TRIM33: variants seen among roughly 807,000 people sequenced by gnomAD.
TRIM33 encodes the protein E3 ubiquitin-protein ligase TRIM33.
In TRIM33, 20 loss-of-function variants were observed where a neutral mutation model predicts 125.4. That is an observed-to-expected ratio of 0.16 (90% CI 0.11 to 0.23). TRIM33 has a LOEUF of 0.23. Among genes scored for constraint, TRIM33 ranks in the 10% least tolerant of loss-of-function variants. The pLI, the probability that TRIM33 is intolerant of heterozygous loss-of-function variation, is 1.00. For synonymous variants in TRIM33, 564 were observed against 513.9 expected (o/e 1.10, Z -1.32); for missense variants, 920 against 1,411.4 (o/e 0.65, Z 5.58).
intron 1 of TRIM33, among the ~76,000 whole-genome samples, chr1:114,508,639 G>T (rs908092226): frequency 6.6e-6 from 1 of 151,984 alleles, no homozygotes; most frequent in African/African-American, 2.4e-5. Context: ...CCCTGCTTCA[G>T]TGTCTGAATA....
chr1:114,432,948 T>C (rs533989465), intron 5 of TRIM33, among the ~76,000 whole-genome samples: 4 of 152,354 alleles, frequency 2.6e-5, no homozygotes, highest in South Asian at 4.1e-4. Context: ...AAACACATAT[T>C]AACCTTATTC....
chr1:114,470,308 G>A (rs999712174), intron 1 of TRIM33, among the ~76,000 whole-genome samples: 9 of 152,046 alleles, frequency 5.9e-5, no homozygotes, highest in African/African-American at 1.2e-4. Flanking sequence ...CTCACTGTGC[G>A]TCTTTCTGTT....
In TRIM33 at chr1:114,447,705, G is replaced by C. The variant is rs182062987; in HGVS notation, c.924-13972C>G. ...AAACAAAATAAGCAAATGAGATTGAGAAAAAGTAATCAGTAATTAGTAGGA... is the reference window on the plus strand; with the variant it reads ...AAACAAAATAAGCAAATGAGATTGACAAAAAGTAATCAGTAATTAGTAGGA... On this transcript the variant is annotated intron_variant, in intron 4 of 19. Coordinates refer to ENST00000358465, the MANE Select transcript of TRIM33 (RefSeq NM_015906.4). 2.6e-5 allele frequency among the ~76,000 whole-genome samples: 4 copies of C among 152,250 alleles called. No homozygotes were observed. In the East Asian group the frequency reaches 7.7e-4, roughly 29 times the overall value.
intron 1 of TRIM33, among the ~76,000 whole-genome samples, chr1:114,506,755 T>C (rs1399105473): frequency 3.9e-5 from 6 of 152,194 alleles, no homozygotes; most frequent in East Asian, 1.9e-4. Context: ...AAGCTCACTA[T>C]TGAGATTCAA....
At chr1:114,397,918 T>C (rs776444701) in intron 19 of TRIM33, 22 bp downstream of exon 19, 1 of 1,613,984 alleles carries the variant, frequency 6.2e-7, no homozygotes, top group Non-Finnish European at 8.5e-7. Flanking sequence ...TTCACCAAGT[T>C]TGCATGGTCT....
At chr1:114,423,274 C>T (rs1647323522) in intron 10 of TRIM33, among the ~76,000 whole-genome samples, 1 of 151,938 alleles carries the variant, frequency 6.6e-6, no homozygotes, top group Non-Finnish European at 1.5e-5. Context: ...AATTTTTTTC[C>T]TGCAGAAATT....
chr1:114,441,952 A>G (rs1648681445), intron 4 of TRIM33, among the ~76,000 whole-genome samples: 1 of 152,236 alleles, frequency 6.6e-6, no homozygotes, highest in Non-Finnish European at 1.5e-5. Context: ...TAATATGAAA[A>G]TTAATGAGGC....
At position 114,402,858 on chromosome 1, in the gene TRIM33, T is replaced by G. The variant is rs749641888; in HGVS notation, c.2794A>C (p.Arg932=). Residue 932 remains arginine (R), a synonymous_variant, in exon 16 of 20, where the codon AGA becomes CGA. Transcript: ENST00000358465. ...TCAACTTCTGGCTTTCCAATATCTC[T>G]ACAAAATGTGCATATCCAGTCCCCA... ...PSGDWICTFC[R]DIGKPEVEYD... 6.2e-7 allele frequency: 1 copy of G among 1,613,942 alleles called. No homozygotes were observed. Among genetic ancestry groups the G allele is most frequent in the South Asian group, 1.1e-5 (1 of 91,054 alleles).
intron 1 of TRIM33, among the ~76,000 whole-genome samples, chr1:114,498,082 G>A (rs1318565821): frequency 8.9e-5 from 12 of 134,564 alleles, no homozygotes; most frequent in African/African-American, 2.9e-4. Flanking sequence ...AGCTGAGATC[G>A]CACCACTGCA....
At chr1:114,457,753 C>G (rs889838299) in intron 4 of TRIM33, among the ~76,000 whole-genome samples, 1 of 152,106 alleles carries the variant, frequency 6.6e-6, no homozygotes, top group Non-Finnish European at 1.5e-5. Flanking sequence ...TGGACAATTC[C>G]AAGGTGAATG....
At chr1:114,491,029 T>A (rs116774702) in intron 1 of TRIM33, among the ~76,000 whole-genome samples, 179 of 152,288 alleles carry the variant, frequency 1.2e-3, no homozygotes, top group African/African-American at 4.0e-3. Flanking sequence ...AAGTGAGTAA[T>A]AACTGCTAAT....
At chr1:114,400,079 A>G (rs1651778255) in intron 17 of TRIM33, among the ~76,000 whole-genome samples, 1 of 152,236 alleles carries the variant, frequency 6.6e-6, no homozygotes, top group African/African-American at 2.4e-5. Context: ...TAAGAACATA[A>G]GAAAAATTTA....
At chr1:114,438,230 T>G (rs1031567223) in intron 4 of TRIM33, among the ~76,000 whole-genome samples, 2 of 152,214 alleles carry the variant, frequency 1.3e-5, no homozygotes, top group Admixed American at 6.5e-5. Flanking sequence ...TAAGTTTTGA[T>G]TTTGGCACAT....
At position 114,495,914 on chromosome 1, in the gene TRIM33, A is replaced by ATACT. The variant is rs1275933665; in HGVS notation, c.526+14633_526+14636dup. On this transcript the variant is annotated intron_variant, in intron 1 of 19. Coordinates refer to ENST00000358465, the MANE Select transcript of TRIM33 (RefSeq NM_015906.4). ...TTACTAATTTATTATAAAATGTATTATACTGTTCTTTAATATAATCTCTTA... is the reference window on the plus strand; with the variant it reads ...TTACTAATTTATTATAAAATGTATTATACTTACTGTTCTTTAATATAATCTCTTA... 3.3e-5 allele frequency among the ~76,000 whole-genome samples: 5 copies of ATACT among 152,352 alleles called. 1 individual carries two copies. In the East Asian group the frequency reaches 9.6e-4, roughly 29 times the overall value.
At chr1:114,411,173 T>C (rs1197906932) in intron 11 of TRIM33, among the ~76,000 whole-genome samples, 2 of 151,954 alleles carry the variant, frequency 1.3e-5, no homozygotes, top group Admixed American at 6.6e-5. Flanking sequence ...CCTGAATAGC[T>C]AGGACTACAG....
intron 6 of TRIM33, among the ~76,000 whole-genome samples, chr1:114,428,194 T>C (rs1647712812): frequency 6.6e-6 from 1 of 152,268 alleles, no homozygotes; most frequent in African/African-American, 2.4e-5. Context: ...ATCTAATATA[T>C]GGTATTTATA....
rs1303041059 is a variant in TRIM33, at chr1:114,511,170, G to C, written c.-94C>G. ...CCAGCCCCAGCCGCAGCCGCAGCAA[G>C]AGCGGCAGCCGAGAGCTAGCGAGAG... On this transcript the variant is annotated 5_prime_UTR_variant, in exon 1 of 20. Transcript: ENST00000358465. 2.6e-5 allele frequency: 27 copies of C among 1,033,646 alleles called. No homozygotes were observed. Among genetic ancestry groups the C allele is most frequent in the South Asian group, 1.3e-4 (3 of 22,488 alleles). 64.0% of individuals were successfully genotyped at this position (1,033,646 alleles called of 1,614,324 possible).
chr1:114,406,667 T>C (rs973714978), intron 14 of TRIM33, among the ~76,000 whole-genome samples: 2 of 152,216 alleles, frequency 1.3e-5, no homozygotes, highest in African/African-American at 4.8e-5. Context: ...CAAGATACAA[T>C]CTGATTTAGC....
chr1:114,464,229 G>A, intron 2 of TRIM33, 41 bp downstream of exon 2: 1 of 1,051,014 alleles, frequency 9.5e-7, no homozygotes, highest in Non-Finnish European at 1.4e-6. Context: ...CTTACAGTTT[G>A]ATATCAAGAT....
Sources: gnomAD v4.1 joint callset for allele counts (sites outside exome capture counted in the v4.1 genomes callset) on GRCh38, gnomAD v4.1.1 for gene constraint, MANE v1.5 for transcripts, NCBI Gene and HGNC (gene_info 2026-07-23, HGNC 2026-07-21) for gene names.